Variants in ATP6V1A observed in about 807,000 individuals in gnomAD.
The protein encoded by ATP6V1A is ATPase H+ transporting V1 subunit A, also known as V-type proton ATPase catalytic subunit A.
A neutral mutation model predicts 70.1 loss-of-function variants in ATP6V1A; 18 were observed. The observed-to-expected ratio is 0.26, with a 90% CI of 0.18 to 0.38. ATP6V1A has a LOEUF of 0.38. Among genes scored for constraint, ATP6V1A ranks in the 10% least tolerant of loss-of-function variants. The probability of loss-of-function intolerance (pLI) is 1.00; values close to 1 mark genes in which losing one functional copy is unlikely to be tolerated. For missense variants in ATP6V1A, 424 were observed against 772.4 expected (o/e 0.55, Z 5.35); for synonymous variants, 232 against 253.8 (o/e 0.91, Z 0.82).
At chr3:113,795,341 C>T (rs1302024099) in intron 10 of ATP6V1A, 137 bp downstream of exon 10, 1 of 891,388 alleles carries the variant, frequency 1.1e-6, no homozygotes, top group Non-Finnish European at 1.7e-6. Flanking sequence ...GGTTGCACTC[C>T]AGAGTCACCT....
intron 14 of ATP6V1A, among the ~76,000 whole-genome samples, chr3:113,808,861 A>G (rs1345515110): frequency 2.0e-5 from 3 of 152,128 alleles, no homozygotes; most frequent in Non-Finnish European, 2.9e-5. Flanking sequence ...TTGGATTTGT[A>G]TCCTTAAGAA....
At chr3:113,758,530 G>A (rs1005867436) in intron 1 of ATP6V1A, among the ~76,000 whole-genome samples, 1 of 152,094 alleles carries the variant, frequency 6.6e-6, no homozygotes, top group Non-Finnish European at 1.5e-5. Flanking sequence ...TTTCCTTGCT[G>A]ACTATTATTC....
chr3:113,804,669 T>G (rs896288279), intron 13 of ATP6V1A, among the ~76,000 whole-genome samples: 1 of 152,166 alleles, frequency 6.6e-6, no homozygotes, highest in Non-Finnish European at 1.5e-5. Flanking sequence ...TACTGGGAAC[T>G]TAACGAAGCT....
intron 13 of ATP6V1A, among the ~76,000 whole-genome samples, chr3:113,804,561 A>G (rs920619453): frequency 1.3e-5 from 2 of 152,096 alleles, no homozygotes; most frequent in Non-Finnish European, 2.9e-5. Flanking sequence ...TTGGCCCCAT[A>G]TAAGACTGAA....
At position 113,809,539 on chromosome 3, in the gene ATP6V1A, A is replaced by G; in HGVS notation, c.*112A>G. ...TGCTTCTTTATTGTGCAGCTTTGAG[A>G]CTAGTGCCTATGTGTGTTATTTGTT... On this transcript the variant is annotated 3_prime_UTR_variant, in exon 15 of 15. Transcript: ENST00000273398. The G allele has an allele frequency of 1.1e-6, 1 of 875,144 alleles. No homozygotes were observed. Among genetic ancestry groups the G allele is most frequent in the Admixed American group, 2.7e-5 (1 of 37,630 alleles). 54.2% of individuals were successfully genotyped at this position (875,144 alleles called of 1,614,324 possible). A position where few individuals can be genotyped will look rare whatever the true frequency, so the allele number is the denominator to read the frequency against.
At chr3:113,771,069 T>G (rs2108019597) in intron 1 of ATP6V1A, among the ~76,000 whole-genome samples, 1 of 150,696 alleles carries the variant, frequency 6.6e-6, no homozygotes, top group Admixed American at 6.6e-5. Flanking sequence ...CACTCCAGCC[T>G]GGGCAACAGA....
chr3:113,790,971 C>G (rs1006251541), intron 8 of ATP6V1A, among the ~76,000 whole-genome samples: 1 of 151,984 alleles, frequency 6.6e-6, no homozygotes, highest in African/African-American at 2.4e-5. Context: ...TCTCTTTTCC[C>G]AAAGGACTTT....
rs985040100 is a variant in ATP6V1A, at chr3:113,762,995, C to G, written c.-13-15746C>G. Among the ~76,000 whole-genome samples, 5 of 152,072 alleles carry G rather than the reference C, an allele frequency of 3.3e-5. No individual in the cohort carries two copies. The South Asian group carries it at 1.0e-3, about 31-fold the overall frequency. On this transcript the variant is annotated intron_variant, in intron 1 of 14. Transcript: ENST00000273398. Reference sequence around the variant, plus strand: ...ATTACCAATTTTTTCCCCATGTTTCCTAGAAAATAATAAACCCAAATTGAC... The same window carrying G: ...ATTACCAATTTTTTCCCCATGTTTCGTAGAAAATAATAAACCCAAATTGAC...
At chr3:113,808,987 C>T (rs1346853613) in intron 14 of ATP6V1A, among the ~76,000 whole-genome samples, 6 of 152,026 alleles carry the variant, frequency 3.9e-5, no homozygotes, top group East Asian at 3.9e-4. Flanking sequence ...CAGTGGCTCA[C>T]GCCTGTAATC....
At chr3:113,786,057 T>TAAA (rs63484660) in intron 5 of ATP6V1A, among the ~76,000 whole-genome samples, 175 bp from the exon 6 acceptor site, 1 of 132,984 alleles carries the variant, frequency 7.5e-6, no homozygotes, top group African/African-American at 2.7e-5. Context: ...TGCACCAGGT[T>TAAA]AAAAAAAAAA....
intron 1 of ATP6V1A, among the ~76,000 whole-genome samples, chr3:113,772,316 G>A (rs1214761483): frequency 6.6e-6 from 1 of 152,202 alleles, no homozygotes; most frequent in African/African-American, 2.4e-5. Flanking sequence ...GGATATTTGA[G>A]CAGAGACATG....
In ATP6V1A at chr3:113,789,756, G is replaced by T; in HGVS notation, c.904G>T (p.Val302Leu). The T allele has an allele frequency of 1.2e-6, 2 of 1,611,860 alleles. No individual in the cohort carries two copies. Among genetic ancestry groups the T allele is most frequent in the Non-Finnish European group, 8.5e-7 (1 of 1,178,088 alleles). Residue 302 changes from valine to leucine, a missense_variant, in exon 8 of 15, where the codon GTA becomes TTA. By Grantham distance (32) the Val-to-Leu change is conservative. Around this residue, in one of 9 missense-constraint regions of ATP6V1A, gnomAD observed 18 missense variants for 16.2 expected, o/e 1.11. Transcript: ENST00000273398. ...GCTCACAATGGAGGTTGATGGTAAGGTAGAGTCAATTATGAAGAGGACAGC... is the reference window on the plus strand; with the variant it reads ...GCTCACAATGGAGGTTGATGGTAAGTTAGAGTCAATTATGAAGAGGACAGC... ...PELTMEVDGK[V>L]ESIMKRTALV... is the part of the protein sequence containing the mutation.
chr3:113,762,536 C>T (rs1345115830), intron 1 of ATP6V1A, among the ~76,000 whole-genome samples: 2 of 151,410 alleles, frequency 1.3e-5, no homozygotes, highest in South Asian at 2.1e-4. Flanking sequence ...CCATTGCAGT[C>T]GATCCTAGGC....
intron 1 of ATP6V1A, among the ~76,000 whole-genome samples, chr3:113,775,886 C>T (rs918369648): frequency 1.3e-5 from 2 of 152,192 alleles, no homozygotes; most frequent in African/African-American, 4.8e-5. Flanking sequence ...TCTTTGAAGA[C>T]TTTTCCCAAC....
intron 8 of ATP6V1A, among the ~76,000 whole-genome samples, chr3:113,790,941 T>A (rs183284763): frequency 4.3e-4 from 66 of 152,272 alleles, no homozygotes; most frequent in African/African-American, 1.6e-3. Context: ...GCCTCTTTTT[T>A]TCCTTTTGTA....
At chr3:113,792,511 T>A (rs1709107275) in intron 8 of ATP6V1A, among the ~76,000 whole-genome samples, 1 of 152,138 alleles carries the variant, frequency 6.6e-6, no homozygotes, top group African/African-American at 2.4e-5. Context: ...CTAATTTTTT[T>A]ATTTTCTGTA....
chr3:113,806,616 G>A lies in ATP6V1A; in HGVS notation c.1761+1091G>A, dbSNP rs182344555. On this transcript the variant is annotated intron_variant, in intron 14 of 14. Transcript: ENST00000273398. ...TGGGATTACAGGTGCCTGCCACCAC[G>A]CCCAGCTAATTTTTTGTATTTTTAG... Among the ~76,000 whole-genome samples the A allele has an allele frequency of 3.7e-3, 555 of 151,950 alleles. 1 individual carries two copies. The highest frequency in any genetic ancestry group is 0.014 in the Middle Eastern group (4 of 294).
chr3:113,776,691 T>G (rs1303371305), intron 1 of ATP6V1A, among the ~76,000 whole-genome samples: 1 of 152,208 alleles, frequency 6.6e-6, no homozygotes, highest in Non-Finnish European at 1.5e-5. Context: ...TCCCTCAATC[T>G]TCAGTGATTT....
At chr3:113,748,762 C>G (rs953965796) in intron 1 of ATP6V1A, among the ~76,000 whole-genome samples, 1 of 152,168 alleles carries the variant, frequency 6.6e-6, no homozygotes, top group African/African-American at 2.4e-5. Context: ...TTACTACTAT[C>G]TCTTGTGGAT....
Sources: gnomAD v4.1 joint callset for allele counts (sites outside exome capture counted in the v4.1 genomes callset) on GRCh38, gnomAD v4.1.1 for gene constraint, gnomAD v4.1.1 regional missense constraint, MANE v1.5 for transcripts, NCBI Gene and HGNC (gene_info 2026-07-23, HGNC 2026-07-21) for gene names.